RSRP1: variants seen among roughly 807,000 people sequenced by gnomAD.
The protein encoded by RSRP1 is arginine and serine rich protein 1.
In RSRP1, 37 loss-of-function variants were observed where a neutral mutation model predicts 33.0. The observed-to-expected ratio is 1.12, with a 90% CI of 0.86 to 1.48. The LOEUF is 1.48. RSRP1 is among the 40% of genes most tolerant of loss of function. The pLI, the probability that RSRP1 is intolerant of heterozygous loss-of-function variation, is 0.00. For synonymous variants in RSRP1, 167 were observed against 158.7 expected (o/e 1.05, Z -0.40); for missense variants, 402 against 385.3 (o/e 1.04, Z -0.36).
chr1:25,318,965 G>A (rs1350841763), intron 1 of RSRP1, among the ~76,000 whole-genome samples: 2 of 133,136 alleles, frequency 1.5e-5, no homozygotes, highest in African/African-American at 5.1e-5. Context: ...AGAAGCAGAG[G>A]CGGAGTAGCG....
chr1:25,309,676 C>T (rs1157468784), intron 1 of RSRP1, among the ~76,000 whole-genome samples: 1 of 131,758 alleles, frequency 7.6e-6, no homozygotes, highest in African/African-American at 2.6e-5. Flanking sequence ...ACAGGCCTGC[C>T]TAGTTTGAAT....
At chr1:25,291,163 G>A (rs1404678192) in intron 1 of RSRP1, among the ~76,000 whole-genome samples, 1 of 122,166 alleles carries the variant, frequency 8.2e-6, no homozygotes, top group Non-Finnish European at 1.8e-5. Flanking sequence ...TAGATAGATA[G>A]ACAGACAGAC....
At chr1:25,298,087 A>G (rs1312895378) in intron 1 of RSRP1, among the ~76,000 whole-genome samples, 2 of 119,898 alleles carry the variant, frequency 1.7e-5, no homozygotes, top group East Asian at 2.0e-4. Context: ...ATCCTGCAGA[A>G]AACAACTCTT....
chr1:25,306,330 G>C (rs756878739), intron 1 of RSRP1, among the ~76,000 whole-genome samples: 1 of 131,874 alleles, frequency 7.6e-6, no homozygotes, highest in African/African-American at 2.6e-5. Context: ...TCATAGTGTG[G>C]TCCGTAGACC....
chr1:25,287,358 A>G (rs778993956), intron 1 of RSRP1, among the ~76,000 whole-genome samples: 4 of 135,170 alleles, frequency 3.0e-5, no homozygotes, highest in Non-Finnish European at 1.8e-5. Flanking sequence ...CTCAATCTAG[A>G]AAGACGAGAA....
chr1:25,244,201 CTCT>C, intron 3 of RSRP1: 1 of 1,289,134 alleles, frequency 7.8e-7, no homozygotes, highest in Non-Finnish European at 1.0e-6. Flanking sequence ...AGCAGGCCTC[CTCT>C]TCTGTAATCT....
rs1286188533 is a variant in RSRP1, at chr1:25,308,350, C to T, written c.-67+29628G>A. The stretch of plus-strand genomic sequence containing the variant: ...GCAAGCCCTACCTACGGCCCCACCC[C>T]AGACCTACCCAGTTAGAAATCTGGG... On this transcript the variant is annotated intron_variant, in intron 1 of 1. Coordinates refer to the RSRP1 transcript ENST00000561867. Among the ~76,000 whole-genome samples the T allele has an allele frequency of 1.8e-5, 2 of 112,944 alleles. 1 individual carries two copies. The highest frequency in any genetic ancestry group is 4.2e-5 in the Non-Finnish European group (2 of 48,080). 74.1% of individuals were successfully genotyped at this position (112,944 alleles called of 152,430 possible). A position where few individuals can be genotyped will look rare whatever the true frequency, so the allele number is the denominator to read the frequency against.
At position 25,274,718 on chromosome 1, in the gene RSRP1, A is replaced by G. The variant is rs1004057607; in HGVS notation, c.-66-27689T>C. Among the ~76,000 whole-genome samples the G allele has an allele frequency of 3.0e-5, 4 of 133,884 alleles. 1 individual carries two copies. The highest frequency in any genetic ancestry group is 1.0e-4 in the African/African-American group (4 of 39,268). 87.8% of individuals were successfully genotyped at this position (133,884 alleles called of 152,430 possible). A position where few individuals can be genotyped will look rare whatever the true frequency, so the allele number is the denominator to read the frequency against. On this transcript the variant is annotated intron_variant, in intron 1 of 1. Transcript: ENST00000561867. ...CATTGCCCTGGAGCCTAAAAGGGGA[A>G]ACAAAGGGCCGGGCGACGTGGCTCA...
chr1:25,246,685 G>T lies in RSRP1; in HGVS notation c.279C>A (p.Tyr93Ter). 1.9e-6 allele frequency: 3 copies of T among 1,608,844 alleles called. No homozygotes were observed. The highest frequency in any genetic ancestry group is 2.6e-6 in the Non-Finnish European group (3 of 1,176,128). ...RSRSRSRSRR[Y>*]RERRYGFTRR... Reference sequence around the variant, plus strand: ...TGGTGAACCCGTAGCGCCTCTCTCGGTAACGGCGGCTGCGGGATCGCGACC... The same window carrying T: ...TGGTGAACCCGTAGCGCCTCTCTCGTTAACGGCGGCTGCGGGATCGCGACC... The change falls in exon 2 of 5, where the codon TAC becomes TAA. Residue 93 changes from tyrosine to a stop codon, truncating the protein, a stop_gained. Transcript: ENST00000243189. LOFTEE classifies it high-confidence loss of function.
chr1:25,257,248 T>C (rs1232627221), intron 1 of RSRP1, among the ~76,000 whole-genome samples: 1 of 152,214 alleles, frequency 6.6e-6, no homozygotes, highest in Non-Finnish European at 1.5e-5. Flanking sequence ...TTAGCATTTA[T>C]CACGCTTGTA....
At position 25,266,565 on chromosome 1, in the gene RSRP1, G is replaced by T. The variant is rs1316718134; in HGVS notation, c.-66-19536C>A. On this transcript the variant is annotated intron_variant, in intron 1 of 1. Coordinates refer to the RSRP1 transcript ENST00000561867. Reference sequence around the variant, plus strand: ...TTATCTACTAATCGGCTAATATCCCGCCAAAAACAAAAAACCCCAAAGGGA... The same window carrying T: ...TTATCTACTAATCGGCTAATATCCCTCCAAAAACAAAAAACCCCAAAGGGA... 2 of 127,512 alleles carry T rather than the reference G, an allele frequency of 1.6e-5. 1 individual carries two copies. Among genetic ancestry groups the T allele is most frequent in the Non-Finnish European group, 3.6e-5 (2 of 55,434 alleles). 7.9% of individuals were successfully genotyped at this position (127,512 alleles called of 1,614,324 possible). A position where few individuals can be genotyped will look rare whatever the true frequency, so the allele number is the denominator to read the frequency against.
At chr1:25,288,803 ACCG>A (rs1209366650) in intron 1 of RSRP1, among the ~76,000 whole-genome samples, 1 of 126,628 alleles carries the variant, frequency 7.9e-6, no homozygotes, top group Non-Finnish European at 1.9e-5. Context: ...GGAATGAAAT[ACCG>A]CCGCCGGCAC....
At chr1:25,246,365 C>T in intron 2 of RSRP1, 79 bp downstream of exon 2, 2 of 1,547,476 alleles carry the variant, frequency 1.3e-6, no homozygotes, top group African/African-American at 1.4e-5. Flanking sequence ...TGAAACTACA[C>T]AGCAACGTTG....
rs557746335 is a variant in RSRP1 at position 25,276,532 on chromosome 1, T to TAA, written c.-66-29505_-66-29504dup. Among the ~76,000 whole-genome samples the TAA allele has an allele frequency of 7.1e-4, 46 of 64,778 alleles. 8 individuals carry two copies. The highest frequency in any genetic ancestry group is 3.2e-3 in the African/African-American group (44 of 13,858). The allele number at this position is 64,778 out of a possible 152,430, so 42.5% of individuals were successfully genotyped here. A position where few individuals can be genotyped will look rare whatever the true frequency, so the allele number is the denominator to read the frequency against. On this transcript the variant is annotated intron_variant, in intron 1 of 1. Transcript: ENST00000561867. ...ACATAGGGAGACCCCCCCCCATCTCTAAAAAAAAAAAAAAAAAAAAAAACT... is the reference window on the plus strand; with the variant it reads ...ACATAGGGAGACCCCCCCCCATCTCTAAAAAAAAAAAAAAAAAAAAAAAAACT...
In RSRP1 at chr1:25,242,725, G is replaced by A; in HGVS notation, c.757-20C>T. ...AGAATTCTGTAAAAGAACAAATTCAGTCAGCTTCCCAAACATACATTGTAC... is the reference window on the plus strand; with the variant it reads ...AGAATTCTGTAAAAGAACAAATTCAATCAGCTTCCCAAACATACATTGTAC... On this transcript the variant is annotated intron_variant, in intron 4 of 4. Coordinates refer to ENST00000243189, the MANE Select transcript of RSRP1 (RefSeq NM_020317.5). 1 of 1,490,248 alleles carries A rather than the reference G, an allele frequency of 6.7e-7. No homozygotes were observed. Among genetic ancestry groups the A allele is most frequent in the Non-Finnish European group, 9.2e-7 (1 of 1,083,576 alleles). The allele number at this position is 1,490,248 out of a possible 1,614,324, so 92.3% of individuals were successfully genotyped here.
At chr1:25,300,800 G>A in intron 1 of RSRP1, 1 of 931,800 alleles carries the variant, frequency 1.1e-6, no homozygotes, top group Non-Finnish European at 1.7e-6. Flanking sequence ...AGCCTGCTGG[G>A]TTGGGCTGGG....
At chr1:25,332,913 GGA>G (rs1645036333) in intron 1 of RSRP1, among the ~76,000 whole-genome samples, 1 of 131,882 alleles carries the variant, frequency 7.6e-6, no homozygotes, top group Non-Finnish European at 1.8e-5. Flanking sequence ...TCTGCAAGCT[GGA>G]GACCCAGGGA....
chr1:25,283,491 A>G (rs1641678379), intron 1 of RSRP1, among the ~76,000 whole-genome samples: 2 of 130,326 alleles, frequency 1.5e-5, no homozygotes, highest in Admixed American at 1.5e-4. Flanking sequence ...AGATCTTGCC[A>G]CTGTACTCCA....
chr1:25,292,987 C>T lies in RSRP1; in HGVS notation c.-67+44991G>A, dbSNP rs1445744303. On this transcript the variant is annotated intron_variant, in intron 1 of 1. Coordinates refer to the RSRP1 transcript ENST00000561867. ...TGGAAGGCAAGGAAAGAGAGGGCCC[C>T]AGGTGGGCTGAATGCTGCTGAGAGG... Among the ~76,000 whole-genome samples the T allele has an allele frequency of 4.0e-5, 5 of 125,928 alleles. 1 individual carries two copies. In the East Asian group the frequency reaches 9.8e-4, roughly 25 times the overall value. 82.6% of individuals were successfully genotyped at this position (125,928 alleles called of 152,430 possible).
Sources: allele counts gnomAD v4.1 joint callset (sites outside exome capture counted in the v4.1 genomes callset), GRCh38; gene constraint gnomAD v4.1.1; transcripts MANE v1.5; gene names NCBI Gene and HGNC (gene_info 2026-07-23, HGNC 2026-07-21).